PDZD9: variants seen among roughly 807,000 people sequenced by gnomAD.
PDZD9 encodes PDZ domain-containing protein 9.
A neutral mutation model predicts 16.3 loss-of-function variants in PDZD9; 13 were observed. The ratio of observed to expected loss-of-function variants is 0.80; its 90% confidence interval spans 0.52 to 1.27. The LOEUF is 1.27. Among genes scored for constraint, PDZD9 ranks in the 50% most tolerant of loss-of-function variants. PDZD9 has a pLI of 0.00. For missense variants in PDZD9, 288 were observed against 310.9 expected (o/e 0.93, Z 0.55); for synonymous variants, 120 against 111.0 (o/e 1.08, Z -0.51).
At chr16:21,976,771 T>G in the PDZD9 span, 1 of 152,208 alleles carries the variant, frequency 6.6e-6, no homozygotes, top group Non-Finnish European at 1.5e-5. Context: ...CTTATTTAAA[T>G]AGCATCCTTA....
chr16:21,997,701 A>G (rs1360422962), intron 1 of PDZD9, among the ~76,000 whole-genome samples: 1 of 152,220 alleles, frequency 6.6e-6, no homozygotes, highest in African/African-American at 2.4e-5. Context: ...CTCACAAGAA[A>G]AATTTCAGGG....
chr16:21,992,671 TAC>T (rs1333436657), intron 2 of PDZD9, among the ~76,000 whole-genome samples: 1 of 152,188 alleles, frequency 6.6e-6, no homozygotes, highest in Non-Finnish European at 1.5e-5. Context: ...CTCTTGGACT[TAC>T]ACCAGTGTTT....
the PDZD9 span, chr16:21,962,256 C>T: frequency 1.7e-6 from 1 of 581,984 alleles, no homozygotes; most frequent in East Asian, 2.9e-5. Flanking sequence ...CCAGATTTCA[C>T]TCCTTTTAAG....
the PDZD9 span, chr16:21,961,200 A>T: frequency 7.1e-6 from 2 of 282,520 alleles, no homozygotes; most frequent in Admixed American, 7.9e-5. Context: ...TAGGAGTATA[A>T]ATTGATACAA....
chr16:21,972,213 C>T, the PDZD9 span: 12 of 1,442,670 alleles, frequency 8.3e-6, no homozygotes, highest in South Asian at 1.1e-4. Flanking sequence ...AAATGTAAGA[C>T]AAACACACAG....
intron 2 of PDZD9, chr16:21,995,321 GA>G: frequency 2.2e-6 from 1 of 445,904 alleles, no homozygotes; most frequent in Non-Finnish European, 4.5e-6. Flanking sequence ...GCAGAACCAT[GA>G]GCCAATTAAA....
At chr16:21,972,453 C>T in the PDZD9 span, among the ~76,000 whole-genome samples, 1 of 152,188 alleles carries the variant, frequency 6.6e-6, no homozygotes, top group Non-Finnish European at 1.5e-5. Context: ...TCTAGATTTT[C>T]TTCTGTCCGC....
At chr16:21,965,460 C>T in the PDZD9 span, 98 of 1,613,710 alleles carry the variant, frequency 6.1e-5, no homozygotes, top group Non-Finnish European at 8.2e-5. Flanking sequence ...TGGCTAATCC[C>T]TTGTATTGTC....
chr16:21,998,316 A>AT (rs1899200321), intron 1 of PDZD9: 1 of 214,018 alleles, frequency 4.7e-6, no homozygotes, highest in Admixed American at 4.1e-5. Context: ...GAAGAAGGAC[A>AT]TGTCTCAGGA....
At chr16:21,957,641 C>G in the PDZD9 span, 18 of 1,547,144 alleles carry the variant, frequency 1.2e-5, no homozygotes, top group South Asian at 2.1e-4. Flanking sequence ...AAACTAAGAT[C>G]AATGTCTTTA....
At chr16:21,987,437 C>T (rs1567485113) in intron 3 of PDZD9, among the ~76,000 whole-genome samples, 1 of 151,696 alleles carries the variant, frequency 6.6e-6, no homozygotes, top group East Asian at 1.9e-4. Flanking sequence ...AAAAAAAATA[C>T]AGTTTTGGTG....
At chr16:21,998,374 G>A (rs1186227292) in intron 1 of PDZD9, 1 of 209,970 alleles carries the variant, frequency 4.8e-6, no homozygotes, top group East Asian at 1.1e-4. Flanking sequence ...GGGAAGGCAA[G>A]AAACACAAGT....
chr16:21,980,229 C>G (rs1015447816), downstream of PDZD9: 1 of 263,364 alleles, frequency 3.8e-6, no homozygotes, highest in Non-Finnish European at 7.5e-6. Flanking sequence ...GATCCAGAGG[C>G]CTTGGGAAGC....
chr16:21,962,521 G>A, the PDZD9 span: 1 of 1,614,190 alleles, frequency 6.2e-7, no homozygotes, highest in South Asian at 1.1e-5. Context: ...TGATGTGTAA[G>A]TACCTGTGTG....
the PDZD9 span, among the ~76,000 whole-genome samples, chr16:21,959,172 G>C: frequency 6.6e-6 from 1 of 152,106 alleles, no homozygotes; most frequent in African/African-American, 2.4e-5. Context: ...AGTGAAGTTT[G>C]CTGCATTGAT....
chr16:21,988,553 C>A, intron 3 of PDZD9, 49 bp downstream of exon 3: 2 of 1,454,838 alleles, frequency 1.4e-6, no homozygotes, highest in East Asian at 2.3e-5. Flanking sequence ...GCCTCACAGG[C>A]CCTGGGATTC....
chr16:21,979,989 T>A (rs143641731), downstream of PDZD9, among the ~76,000 whole-genome samples: 2 of 152,314 alleles, frequency 1.3e-5, no homozygotes, highest in East Asian at 3.9e-4. Flanking sequence ...TTAGAAGACT[T>A]TTGCCCAGCT....
chr16:21,968,319 T>A, the PDZD9 span: 1 of 182,234 alleles, frequency 5.5e-6, no homozygotes, highest in East Asian at 1.4e-4. Context: ...ATTCCTTTTA[T>A]AAATAACAGC....
chr16:21,965,662 A>T, the PDZD9 span: 1 of 559,064 alleles, frequency 1.8e-6, no homozygotes, highest in Non-Finnish European at 3.0e-6. Context: ...CTAAAATTTT[A>T]TCTGAACAAT....
Sources: allele counts gnomAD v4.1 joint callset (sites outside exome capture counted in the v4.1 genomes callset), GRCh38; gene constraint gnomAD v4.1.1; transcripts MANE v1.5; gene names NCBI Gene and HGNC (gene_info 2026-07-23, HGNC 2026-07-21).